The following LIMS1 variants were observed in gnomAD, a reference collection of about 807,000 sequenced individuals.
LIMS1 encodes LIM and senescent cell antigen-like-containing domain protein 1.
LIMS1 carries 18 observed loss-of-function variants against 44.1 expected under a neutral mutation model. The observed-to-expected ratio is 0.41, with a 90% CI of 0.28 to 0.61. LIMS1 has a LOEUF of 0.61. Ranked by LOEUF, LIMS1 falls within the 20% of genes least tolerant of loss-of-function variation. The pLI is 0.32. For missense variants in LIMS1, 201 were observed against 422.0 expected, an observed-to-expected ratio of 0.48 and a Z score of 4.59; for synonymous variants, 93 against 149.1, an observed-to-expected ratio of 0.62 and a Z score of 2.74.
At position 108,549,279 on chromosome 2, in the gene LIMS1, C is replaced by CTTTT. The variant is rs71381966; in HGVS notation, c.32+14715_32+14718dup. Reference sequence around the variant, plus strand: ...ATAATAATGTACAAGTAAAGTGTTTCTTTTTTTTTTTTTTTTTTTTTTTTT... The same window carrying CTTTT: ...ATAATAATGTACAAGTAAAGTGTTTCTTTTTTTTTTTTTTTTTTTTTTTTTTTTT... On this transcript the variant is annotated intron_variant, in intron 1 of 9. Transcript: ENST00000544547. Among the ~76,000 whole-genome samples the CTTTT allele has an allele frequency of 9.8e-3, 548 of 55,796 alleles. 133 individuals carry two copies. The highest frequency in any genetic ancestry group is 0.012 in the Non-Finnish European group (384 of 32,032). 36.6% of individuals were successfully genotyped at this position (55,796 alleles called of 152,430 possible). A position where few individuals can be genotyped will look rare whatever the true frequency, so the allele number is the denominator to read the frequency against.
At chr2:108,614,313 G>T (rs1319352214) in intron 1 of LIMS1, among the ~76,000 whole-genome samples, 1 of 152,140 alleles carries the variant, frequency 6.6e-6, no homozygotes, top group East Asian at 1.9e-4. Context: ...CCCTGCCTAG[G>T]CTTCCAGTCT....
At chr2:108,667,538 TA>T (rs546617468) in intron 2 of LIMS1, among the ~76,000 whole-genome samples, 14,987 of 128,490 alleles carry the variant, frequency 0.12, 2,560 homozygotes, top group East Asian at 0.8. Context: ...CAACCTTTTT[TA>T]AAAAAAAAAA....
At chr2:108,608,529 C>G (rs898425857) in intron 1 of LIMS1, among the ~76,000 whole-genome samples, 8 of 152,304 alleles carry the variant, frequency 5.3e-5, no homozygotes, top group African/African-American at 1.9e-4. Context: ...TGGTCTCTAT[C>G]TCTTGACCTC....
intron 1 of LIMS1, among the ~76,000 whole-genome samples, chr2:108,534,922 C>G (rs1280492977): frequency 6.6e-6 from 1 of 152,220 alleles, no homozygotes; most frequent in Non-Finnish European, 1.5e-5. Flanking sequence ...GGGTCGCAGA[C>G]GTCTTGGTCT....
intron 1 of LIMS1, among the ~76,000 whole-genome samples, chr2:108,540,153 GT>G (rs1207004280): frequency 9.4e-6 from 1 of 106,186 alleles, no homozygotes; most frequent in Non-Finnish European, 2.0e-5. Flanking sequence ...TTTTGTGAAT[GT>G]TTCTAATTTT....
chr2:108,668,088 T>G (rs1433556372), intron 2 of LIMS1, among the ~76,000 whole-genome samples: 3 of 152,192 alleles, frequency 2.0e-5, no homozygotes, highest in African/African-American at 7.2e-5. Context: ...GACATAATAA[T>G]TACACACATG....
At chr2:108,637,197 T>C (rs1033079057) in intron 1 of LIMS1, among the ~76,000 whole-genome samples, 3 of 149,854 alleles carry the variant, frequency 2.0e-5, no homozygotes, top group Non-Finnish European at 4.5e-5. Flanking sequence ...TGCTGTTTAA[T>C]GCAGTAAAAT....
intron 1 of LIMS1, among the ~76,000 whole-genome samples, chr2:108,564,161 G>A (rs879775600): frequency 3.4e-4 from 51 of 151,972 alleles, no homozygotes; most frequent in Admixed American, 1.4e-3. Flanking sequence ...GTCAGCAGTT[G>A]TCAACATCAA....
chr2:108,625,497 C>T (rs1375530980), intron 1 of LIMS1, among the ~76,000 whole-genome samples: 1 of 152,176 alleles, frequency 6.6e-6, no homozygotes, highest in African/African-American at 2.4e-5. Flanking sequence ...TTCTGCCCTC[C>T]TCACTCTCTC....
At chr2:108,621,773 CTTAGT>C (rs1688258973) in intron 1 of LIMS1, among the ~76,000 whole-genome samples, 1 of 152,086 alleles carries the variant, frequency 6.6e-6, no homozygotes, top group Admixed American at 6.5e-5. Context: ...GATTTTTCCA[CTTAGT>C]TTAAAGAGAG....
chr2:108,545,881 A>G (rs2718736), intron 1 of LIMS1, among the ~76,000 whole-genome samples: 25,927 of 152,150 alleles, frequency 0.17, 2,638 homozygotes, highest in African/African-American at 0.27. Flanking sequence ...CTGGATTATT[A>G]TTAATGCATT....
chr2:108,552,362 C>G (rs1281449438), intron 1 of LIMS1, among the ~76,000 whole-genome samples: 1 of 135,398 alleles, frequency 7.4e-6, no homozygotes, highest in Non-Finnish European at 1.6e-5. Flanking sequence ...AAACTATATA[C>G]TATACGTATA....
At chr2:108,656,314 T>TAGATAG (rs1558831189) in intron 1 of LIMS1, among the ~76,000 whole-genome samples, 5 of 68,146 alleles carry the variant, frequency 7.3e-5, no homozygotes, top group African/African-American at 2.1e-4. Context: ...TCTATCTATC[T>TAGATAG]ATCTATAGAT....
chr2:108,536,635 C>T (rs1684152183), intron 1 of LIMS1, among the ~76,000 whole-genome samples: 1 of 152,140 alleles, frequency 6.6e-6, no homozygotes, highest in African/African-American at 2.4e-5. Flanking sequence ...GAGTGGAATG[C>T]AGTAGCATGA....
intron 1 of LIMS1, among the ~76,000 whole-genome samples, chr2:108,548,074 G>A (rs1684547787): frequency 6.6e-6 from 1 of 152,130 alleles, no homozygotes; most frequent in African/African-American, 2.4e-5. Context: ...CATGAAATCT[G>A]GAAAGCTGTG....
intron 1 of LIMS1, among the ~76,000 whole-genome samples, chr2:108,626,217 T>C (rs910669650): frequency 2.0e-5 from 3 of 152,198 alleles, no homozygotes; most frequent in African/African-American, 7.2e-5. Context: ...TATGTTTGTA[T>C]TTTAGTTTTA....
rs71381966 is a variant in LIMS1 at position 108,549,279 on chromosome 2, C to CTTTTTTTTTTTTTT, written c.32+14705_32+14718dup. 9.0e-5 allele frequency among the ~76,000 whole-genome samples: 5 copies of CTTTTTTTTTTTTTT among 55,790 alleles called. 1 individual carries two copies. The highest frequency in any genetic ancestry group is 9.4e-5 in the Non-Finnish European group (3 of 32,024). 36.6% of individuals were successfully genotyped at this position (55,790 alleles called of 152,430 possible). ...ATAATAATGTACAAGTAAAGTGTTTCTTTTTTTTTTTTTTTTTTTTTTTTT... is the reference window on the plus strand; with the variant it reads ...ATAATAATGTACAAGTAAAGTGTTTCTTTTTTTTTTTTTTTTTTTTTTTTTTTTTTTTTTTTTTT... On this transcript the variant is annotated intron_variant, in intron 1 of 9. Transcript: ENST00000544547.
At chr2:108,577,145 A>G (rs1685701213) in intron 1 of LIMS1, among the ~76,000 whole-genome samples, 1 of 152,200 alleles carries the variant, frequency 6.6e-6, no homozygotes, top group East Asian at 1.9e-4. Context: ...AGCTCATTTG[A>G]AACTAGTTAA....
intron 1 of LIMS1, among the ~76,000 whole-genome samples, chr2:108,598,392 CTG>C (rs764493632): frequency 3.9e-5 from 6 of 152,150 alleles, no homozygotes; most frequent in Non-Finnish European, 5.9e-5. Context: ...TTAACATAAA[CTG>C]TGACTTTGTA....
Sources: allele counts gnomAD v4.1 joint callset (sites outside exome capture counted in the v4.1 genomes callset), GRCh38; gene constraint gnomAD v4.1.1; transcripts MANE v1.5; gene names NCBI Gene and HGNC (gene_info 2026-07-23, HGNC 2026-07-21).